The following FANCD2 variants were observed in gnomAD, a reference collection of about 807,000 sequenced individuals.
FANCD2 encodes FA complementation group D2, also known as Fanconi anemia group D2 protein.
In FANCD2, 131 loss-of-function variants were observed where a neutral mutation model predicts 192.3. The ratio of observed to expected loss-of-function variants is 0.68; its 90% confidence interval spans 0.59 to 0.79. The LOEUF (loss-of-function observed/expected upper bound fraction) is 0.79, where lower values mean the gene tolerates loss of function less well. Among genes scored for constraint, FANCD2 ranks in the 30% least tolerant of loss-of-function variants. The probability of loss-of-function intolerance (pLI) is 0.00; values close to 1 mark genes in which losing one functional copy is unlikely to be tolerated. For synonymous variants in FANCD2, 524 were observed against 612.5 expected, an observed-to-expected ratio of 0.86 and a Z score of 2.13; for missense variants, 1,508 against 1,701.6, an observed-to-expected ratio of 0.89 and a Z score of 2.00.
Position 10,048,357 on chromosome 3 carries a change from G to A in FANCD2, c.1413+306G>A, listed in dbSNP as rs190659197. ...TTGCTCTTCATGCCCAGGCTGGAGT[G>A]CAGTGGTGCTATCTCAGCTCACTGC... On this transcript the variant is annotated intron_variant, in intron 16 of 43. Transcript: ENST00000675286. Among the ~76,000 whole-genome samples the A allele has an allele frequency of 6.6e-5, 10 of 152,326 alleles. No individual in the cohort carries two copies. The East Asian group carries it at 1.9e-3, about 29-fold the overall frequency.
At chr3:10,075,395 C>T (rs1693478611) in intron 29 of FANCD2, among the ~76,000 whole-genome samples, 1 of 152,148 alleles carries the variant, frequency 6.6e-6, no homozygotes, top group Admixed American at 6.5e-5. Flanking sequence ...CCATGTTAGC[C>T]AGGATGGTCT....
Position 10,074,515 on chromosome 3 carries a change from G to A in FANCD2, c.2716-15G>A, listed in dbSNP as rs771386311. 51 of 1,609,638 alleles carry A rather than the reference G, an allele frequency of 3.2e-5. No homozygotes were observed. In the Admixed American group the frequency reaches 8.3e-4, roughly 26 times the overall value. ...AGATTTATATATTCTCTTTGTTGCT[G>A]TGACTTCCCCATAGGAGTTCACAGG... is the stretch of plus-strand genomic sequence containing the variant. On this transcript the variant is annotated splice_polypyrimidine_tract_variant and intron_variant, in intron 28 of 43. Transcript: ENST00000675286.
At chr3:10,034,381 T>C in intron 3 of FANCD2, 88 bp from the exon 4 acceptor site, 2 of 822,800 alleles carry the variant, frequency 2.4e-6, no homozygotes, top group South Asian at 1.5e-5. Flanking sequence ...AATATTTTTA[T>C]TGGTTTCATC....
At chr3:10,088,604 T>C in intron 35 of FANCD2, 62 bp downstream of exon 35, 1 of 1,236,846 alleles carries the variant, frequency 8.1e-7, no homozygotes, top group Non-Finnish European at 1.2e-6. Flanking sequence ...TACTGTTGTT[T>C]GTCAGAGACT....
rs1575784647 is a variant in FANCD2, at chr3:10,060,500, C to G, written c.1766+97C>G. The G allele has an allele frequency of 1.2e-5, 11 of 918,408 alleles. No homozygotes were observed. In the East Asian group the frequency reaches 2.8e-4, roughly 23 times the overall value. The allele number at this position is 918,408 out of a possible 1,614,324, so 56.9% of individuals were successfully genotyped here. A position where few individuals can be genotyped will look rare whatever the true frequency, so the allele number is the denominator to read the frequency against. On this transcript the variant is annotated intron_variant, in intron 19 of 43. Transcript: ENST00000675286. ...GACATCATTTTAGCAGTAGAAGTTA[C>G]AACTATAAATGAGCAAATGTGTTTT...
At position 10,092,194 on chromosome 3, in the gene FANCD2, A is replaced by G. The variant is rs777644713; in HGVS notation, c.3791A>G (p.Lys1264Arg). The change falls in exon 38 of 44, where the codon AAA (lysine) becomes AGA (arginine). Residue 1264 changes from lysine (K) to arginine (R), a missense_variant. By Grantham distance (26) the Lys-to-Arg change is conservative. This residue lies in a region of FANCD2 where 796 missense variants were observed against 879.4 expected (regional missense o/e 0.91). Transcript: ENST00000675286. ...TGGCTGCCCCAGATTCATGAAGAGA[A>G]ACTCCTCTACTGGAACATGGCTGTT... ...AADSQQIHEE[K>R]LLYWNMAVRD... 27 of 1,613,948 alleles carry G rather than the reference A, an allele frequency of 1.7e-5. No homozygotes were observed. The highest frequency in any genetic ancestry group is 2.3e-5 in the Non-Finnish European group (27 of 1,179,816).
chr3:10,066,696 G>A (rs1040440838), intron 25 of FANCD2, among the ~76,000 whole-genome samples: 6 of 152,082 alleles, frequency 3.9e-5, no homozygotes, highest in African/African-American at 1.4e-4. Flanking sequence ...CTAGTAATAA[G>A]TAAAACTAGG....
chr3:10,036,372 C>T, intron 7 of FANCD2, 33 bp downstream of exon 7: 1 of 1,492,480 alleles, frequency 6.7e-7, no homozygotes, highest in Non-Finnish European at 9.3e-7. Context: ...GTTCAAAGTA[C>T]CCTGATGTAC....
At chr3:10,064,517 C>G (rs1445930621) in intron 22 of FANCD2, 88 bp downstream of exon 22, 1 of 1,346,708 alleles carries the variant, frequency 7.4e-7, no homozygotes, top group Non-Finnish European at 1.1e-6. Context: ...GAATACCCTT[C>G]ACCTCAGCCA....
At chr3:10,089,495 T>A (rs895363349) in intron 36 of FANCD2, among the ~76,000 whole-genome samples, 4 of 152,082 alleles carry the variant, frequency 2.6e-5, no homozygotes, top group Non-Finnish European at 5.9e-5. Flanking sequence ...GTTTTGTTTT[T>A]GAGAAAACTT....
chr3:10,059,075 G>A (rs1222314273), intron 18 of FANCD2, among the ~76,000 whole-genome samples: 1 of 152,106 alleles, frequency 6.6e-6, no homozygotes, highest in African/African-American at 2.4e-5. Context: ...GTACAGTGAT[G>A]TGATCCTGGC....
rs781266359 is a variant in FANCD2, at chr3:10,074,589, C to G, written c.2775C>G (p.Phe925Leu). The change falls in exon 29 of 44, where the codon TTC becomes TTG. Residue 925 changes from phenylalanine to leucine, a missense_variant. Around this residue, in one of 5 missense-constraint regions of FANCD2, gnomAD observed 796 missense variants for 879.4 expected, o/e 0.91. Coordinates refer to ENST00000675286, the MANE Select transcript of FANCD2 (RefSeq NM_001018115.3). ...SLLLHNSHAF[F>L]RELDIEVFSI... ...TACTACATAATTCCCATGCTTTTTTCCGAGAGCTGGACATTGAGGTCTTCT... is the reference window on the plus strand; with the variant it reads ...TACTACATAATTCCCATGCTTTTTTGCGAGAGCTGGACATTGAGGTCTTCT... The G allele has an allele frequency of 2.5e-6, 4 of 1,613,584 alleles. No homozygotes were observed. The highest frequency in any genetic ancestry group is 1.3e-5 in the African/African-American group (1 of 74,878).
At chr3:10,071,264 C>G (rs1693229539) in intron 26 of FANCD2, among the ~76,000 whole-genome samples, 1 of 151,880 alleles carries the variant, frequency 6.6e-6, no homozygotes, top group Non-Finnish European at 1.5e-5. Context: ...AGTACAAGCA[C>G]TATGGAGAAC....
At position 10,101,429 on chromosome 3, in the gene FANCD2, A is replaced by G; in HGVS notation, c.*167A>G. The G allele has an allele frequency of 1.8e-6, 1 of 560,214 alleles. No individual in the cohort carries two copies. Among genetic ancestry groups the G allele is most frequent in the South Asian group, 2.0e-5 (1 of 50,388 alleles). The allele number at this position is 560,214 out of a possible 1,614,324, so 34.7% of individuals were successfully genotyped here. On this transcript the variant is annotated 3_prime_UTR_variant, in exon 44 of 44. Transcript: ENST00000675286. ...AAGACGGGGACTCGCTGTGTTTCCC[A>G]GGCTGGAGTGCAGTGCTGCAATCTT...
chr3:10,088,607 C>A, intron 35 of FANCD2, 65 bp downstream of exon 35: 2 of 1,235,864 alleles, frequency 1.6e-6, no homozygotes, highest in South Asian at 1.2e-5. Flanking sequence ...TGTTGTTTGT[C>A]AGAGACTGGA....
intron 16 of FANCD2, among the ~76,000 whole-genome samples, chr3:10,048,779 A>ATTTTT (rs1265327262): frequency 2.3e-3 from 306 of 130,700 alleles, no homozygotes; most frequent in African/African-American, 8.7e-3. Context: ...TTGTAAAAAA[A>ATTTTT]TTTTAAACAT....
chr3:10,065,293 AAAG>A, intron 23 of FANCD2, 98 bp from the exon 24 acceptor site: 2 of 862,044 alleles, frequency 2.3e-6, no homozygotes, highest in Non-Finnish European at 2.0e-6. Context: ...TGTCTCAAAA[AAAG>A]AAGTTGTGTT....
At chr3:10,033,720 A>G (rs1373133525) in intron 3 of FANCD2, among the ~76,000 whole-genome samples, 2 of 11,978 alleles carry the variant, frequency 1.7e-4, no homozygotes, top group African/African-American at 2.4e-3. Flanking sequence ...TTTTTTTTTG[A>G]GACGGAGTCT....
chr3:10,087,032 C>T (rs1160580328), intron 33 of FANCD2, 102 bp from the exon 34 acceptor site: 10 of 1,259,786 alleles, frequency 7.9e-6, no homozygotes, highest in South Asian at 3.6e-5. Flanking sequence ...CTGATTAGGC[C>T]GTCAAACACT....
Sources: gnomAD v4.1 joint callset for allele counts (sites outside exome capture counted in the v4.1 genomes callset) on GRCh38, gnomAD v4.1.1 for gene constraint, gnomAD v4.1.1 regional missense constraint, MANE v1.5 for transcripts, NCBI Gene and HGNC (gene_info 2026-07-23, HGNC 2026-07-21) for gene names.